GRHL2: variants seen among roughly 807,000 people sequenced by gnomAD.
GRHL2 encodes the protein grainyhead like transcription factor 2.
GRHL2 carries 21 observed loss-of-function variants against 83.8 expected under a neutral mutation model. The observed-to-expected ratio is 0.25, with a 90% CI of 0.18 to 0.36. The LOEUF (loss-of-function observed/expected upper bound fraction) is 0.36, where lower values mean the gene tolerates loss of function less well. GRHL2 is among the 10% of genes least tolerant of loss of function. The probability of loss-of-function intolerance (pLI) is 1.00; values close to 1 mark genes in which losing one functional copy is unlikely to be tolerated. For synonymous variants in GRHL2, 280 were observed against 278.9 expected, an observed-to-expected ratio of 1.00 and a Z score of -0.04; for missense variants, 623 against 781.8, an observed-to-expected ratio of 0.80 and a Z score of 2.42.
At chr8:101,548,045 T>A (rs1249155385) in intron 2 of GRHL2, among the ~76,000 whole-genome samples, 2 of 152,250 alleles carry the variant, frequency 1.3e-5, no homozygotes, top group Admixed American at 1.3e-4. Context: ...CCAGCTGTAG[T>A]GAAAAATAGG....
intron 7 of GRHL2, among the ~76,000 whole-genome samples, chr8:101,592,018 C>T (rs746901323): frequency 3.2e-4 from 49 of 151,464 alleles, no homozygotes; most frequent in Non-Finnish European, 6.0e-4. Flanking sequence ...ATCTGAGAAA[C>T]GAAGGGGAAC....
intron 14 of GRHL2, among the ~76,000 whole-genome samples, chr8:101,658,127 C>T (rs955201673): frequency 1.3e-5 from 2 of 152,162 alleles, no homozygotes; most frequent in Non-Finnish European, 2.9e-5. Flanking sequence ...AACACTGTCC[C>T]AGGGTGGCAC....
At position 101,492,481 on chromosome 8, in the gene GRHL2, CTG is replaced by C; in HGVS notation, c.-285_-284del. The C allele has an allele frequency of 3.6e-6, 2 of 557,214 alleles. No homozygotes were observed. Among genetic ancestry groups the C allele is most frequent in the Non-Finnish European group, 3.2e-6 (1 of 310,282 alleles). The allele number at this position is 557,214 out of a possible 1,614,324, so 34.5% of individuals were successfully genotyped here. ...CCGCCCAAGTCCGCCACTTTCTGCT[CTG>C]TGTCTGCCCATTGCCACGATCCAGG... On this transcript the variant is annotated 5_prime_UTR_variant, in exon 1 of 16. Transcript: ENST00000646743.
intron 9 of GRHL2, among the ~76,000 whole-genome samples, chr8:101,630,579 G>A (rs535289592): frequency 1.6e-3 from 236 of 152,230 alleles, no homozygotes; most frequent in African/African-American, 5.2e-3. Flanking sequence ...GGACAATTTC[G>A]GAAGGGTGAA....
At chr8:101,544,731 T>C (rs747080163) in intron 2 of GRHL2, among the ~76,000 whole-genome samples, 1 of 152,230 alleles carries the variant, frequency 6.6e-6, no homozygotes, top group Non-Finnish European at 1.5e-5. Flanking sequence ...CCCTCCATCA[T>C]GGAAAAACCA....
intron 7 of GRHL2, among the ~76,000 whole-genome samples, chr8:101,588,478 G>A (rs536145026): frequency 6.6e-6 from 1 of 152,306 alleles, no homozygotes; most frequent in African/African-American, 2.4e-5. Context: ...TAGTGCATGA[G>A]CCACTTCCCA....
At chr8:101,596,971 G>C (rs558122267) in intron 7 of GRHL2, among the ~76,000 whole-genome samples, 1 of 152,320 alleles carries the variant, frequency 6.6e-6, no homozygotes, top group East Asian at 1.9e-4. Context: ...TCCATAAGGA[G>C]ACACCTAGTT....
Position 101,552,815 on chromosome 8 carries a change from CTA to C in GRHL2, c.284+35_284+36del, listed in dbSNP as rs775225447. On this transcript the variant is annotated intron_variant, in intron 3 of 15. Coordinates refer to ENST00000646743, the MANE Select transcript of GRHL2 (RefSeq NM_024915.4). ...AATTTGCCTGGCCCCCAGAATAACT[CTA>C]TGTTTTCTAAAAAACAATGTTATTA... The C allele has an allele frequency of 4.4e-5, 70 of 1,585,754 alleles. 1 individual carries two copies. The highest frequency in any genetic ancestry group is 2.3e-5 in the East Asian group (1 of 44,404).
chr8:101,498,142 A>T (rs568914281), intron 1 of GRHL2, among the ~76,000 whole-genome samples: 30 of 152,294 alleles, frequency 2.0e-4, no homozygotes, highest in South Asian at 1.2e-3. Flanking sequence ...TTTTTGAGAC[A>T]GAGTATTGCT....
chr8:101,514,586 G>T (rs1024144862), intron 1 of GRHL2, among the ~76,000 whole-genome samples: 1 of 152,182 alleles, frequency 6.6e-6, no homozygotes, highest in African/African-American at 2.4e-5. Context: ...ACAACCTCTG[G>T]CTGGGAGCAG....
At chr8:101,551,674 C>G (rs1290730032) in intron 2 of GRHL2, among the ~76,000 whole-genome samples, 1 of 149,928 alleles carries the variant, frequency 6.7e-6, no homozygotes, top group Non-Finnish European at 1.5e-5. Flanking sequence ...TTCAATCAAC[C>G]AACCCAATTG....
intron 1 of GRHL2, among the ~76,000 whole-genome samples, chr8:101,526,803 T>A (rs1474170514): frequency 6.6e-6 from 1 of 152,180 alleles, no homozygotes; most frequent in East Asian, 1.9e-4. Flanking sequence ...GCAGTCAAAG[T>A]GCTTTACACG....
At chr8:101,647,987 C>T (rs1489238394) in intron 13 of GRHL2, among the ~76,000 whole-genome samples, 4 of 152,062 alleles carry the variant, frequency 2.6e-5, no homozygotes, top group Non-Finnish European at 5.9e-5. Context: ...GTCGCTGGTA[C>T]CCAGAGTTGG....
intron 1 of GRHL2, among the ~76,000 whole-genome samples, chr8:101,542,503 A>C (rs980171570): frequency 4.0e-5 from 6 of 151,618 alleles, no homozygotes; most frequent in African/African-American, 1.5e-4. Flanking sequence ...CAGTGAGCCG[A>C]GATTGCACCA....
chr8:101,534,055 A>C (rs1289234123), intron 1 of GRHL2, among the ~76,000 whole-genome samples: 1 of 152,278 alleles, frequency 6.6e-6, no homozygotes, highest in East Asian at 1.9e-4. Flanking sequence ...TTGAGAATAG[A>C]CTGGAAAGGA....
At chr8:101,656,873 G>GAC (rs35693999) in intron 14 of GRHL2, among the ~76,000 whole-genome samples, 4,154 of 147,340 alleles carry the variant, frequency 0.028, 82 homozygotes, top group South Asian at 0.035. Context: ...GTGTCTAACA[G>GAC]ACACACACAC....
At chr8:101,651,132 T>G (rs1813613685) in intron 14 of GRHL2, among the ~76,000 whole-genome samples, 1 of 152,226 alleles carries the variant, frequency 6.6e-6, no homozygotes, top group East Asian at 1.9e-4. Flanking sequence ...AGTCTAAGAT[T>G]GCTAGGGGAT....
intron 5 of GRHL2, among the ~76,000 whole-genome samples, chr8:101,572,921 C>T (rs777500925): frequency 1.3e-5 from 2 of 152,168 alleles, no homozygotes; most frequent in East Asian, 1.9e-4. Flanking sequence ...TCTACCACAA[C>T]GACTCAACCT....
At chr8:101,539,384 C>T (rs1811106458) in intron 1 of GRHL2, among the ~76,000 whole-genome samples, 1 of 152,194 alleles carries the variant, frequency 6.6e-6, no homozygotes, top group African/African-American at 2.4e-5. Context: ...TGGGCAACGA[C>T]TGAGGTTCCA....
Sources: gnomAD v4.1 joint callset for allele counts (sites outside exome capture counted in the v4.1 genomes callset) on GRCh38, gnomAD v4.1.1 for gene constraint, MANE v1.5 for transcripts, NCBI Gene and HGNC (gene_info 2026-07-23, HGNC 2026-07-21) for gene names.